Variants in COBL observed in about 807,000 individuals in gnomAD.
COBL encodes the protein protein cordon-bleu.
In COBL, 51 loss-of-function variants were observed where a neutral mutation model predicts 98.8. That is an observed-to-expected ratio of 0.52 (90% CI 0.41 to 0.65). The LOEUF (loss-of-function observed/expected upper bound fraction) is 0.65. Ranked by LOEUF, COBL falls within the 30% of genes least tolerant of loss-of-function variation. The pLI, the probability that COBL is intolerant of heterozygous loss-of-function variation, is 0.00. For synonymous variants in COBL, 634 were observed against 651.7 expected (o/e 0.97, Z 0.41); for missense variants, 1,617 against 1,617.5 (o/e 1.00, Z 0.01).
rs372088231 is a variant in COBL, at chr7:51,142,599, G to T, written c.784-6268C>A. On this transcript the variant is annotated intron_variant, in intron 5 of 12. Coordinates refer to ENST00000265136, the MANE Select transcript of COBL (RefSeq NM_015198.5). ...GGGTTTTGCCATCTTGGAAAGGCTG[G>T]TCTCGAACTGCTGAACTCAAGTGAT... 6.6e-5 allele frequency among the ~76,000 whole-genome samples: 10 copies of T among 152,006 alleles called. No homozygotes were observed. In the East Asian group the frequency reaches 1.2e-3, roughly 18 times the overall value.
At chr7:51,196,528 G>A (rs1186590489) in intron 2 of COBL, among the ~76,000 whole-genome samples, 1 of 152,088 alleles carries the variant, frequency 6.6e-6, no homozygotes, top group Non-Finnish European at 1.5e-5. Context: ...ATGAGTTAGA[G>A]AGGAGTCCTT....
At chr7:51,022,686 T>A (rs538943623) in intron 12 of COBL, 2 of 152,234 alleles carry the variant, frequency 1.3e-5, no homozygotes, top group Admixed American at 1.3e-4. Context: ...GCTTTCAGCA[T>A]CTCTGGGCCC....
intron 7 of COBL, among the ~76,000 whole-genome samples, chr7:51,057,138 T>C (rs932213111): frequency 5.3e-5 from 8 of 152,170 alleles, no homozygotes; most frequent in Non-Finnish European, 1.0e-4. Context: ...GTTGCAGAGA[T>C]TGTGTTCAGG....
At chr7:51,201,795 ATAACAG>A (rs1402555649) in intron 2 of COBL, among the ~76,000 whole-genome samples, 1 of 152,018 alleles carries the variant, frequency 6.6e-6, no homozygotes, top group Non-Finnish European at 1.5e-5. Context: ...TTAGCAATCA[ATAACAG>A]TATTTCTAAG....
intron 1 of COBL, among the ~76,000 whole-genome samples, chr7:51,282,590 A>G (rs922108165): frequency 5.9e-5 from 9 of 152,090 alleles, no homozygotes; most frequent in African/African-American, 2.2e-4. Flanking sequence ...AAATAGATAA[A>G]ACCACAATTA....
chr7:51,205,395 C>T (rs777090869), intron 2 of COBL, among the ~76,000 whole-genome samples: 8 of 152,006 alleles, frequency 5.3e-5, no homozygotes, highest in South Asian at 2.1e-4. Flanking sequence ...GCCAAGGATG[C>T]CAAGAAGTCA....
intron 6 of COBL, among the ~76,000 whole-genome samples, chr7:51,095,593 T>C (rs912969095): frequency 1.9e-5 from 2 of 104,724 alleles, no homozygotes; most frequent in African/African-American, 7.9e-5. Flanking sequence ...TTTAATCCAT[T>C]CATGGCTGAA....
intron 1 of COBL, among the ~76,000 whole-genome samples, chr7:51,265,068 C>T (rs954566979): frequency 2.0e-5 from 3 of 152,134 alleles, no homozygotes; most frequent in African/African-American, 4.8e-5. Context: ...AACAGCAGCC[C>T]GATGCCCGAC....
At chr7:51,201,239 C>CAAAA (rs1157303332) in intron 2 of COBL, among the ~76,000 whole-genome samples, 9 of 57,354 alleles carry the variant, frequency 1.6e-4, no homozygotes, top group Admixed American at 1.9e-4. Flanking sequence ...GACTCCGTCT[C>CAAAA]AAAAAAAAAA....
intron 7 of COBL, chr7:51,064,637 T>C (rs909139300): frequency 6.5e-6 from 1 of 152,702 alleles, no homozygotes; most frequent in Non-Finnish European, 1.5e-5. Context: ...TGCTGTTCAG[T>C]GAGTAGAGTA....
At chr7:51,027,631 C>T in intron 10 of COBL, 81 bp downstream of exon 10, 1 of 1,204,984 alleles carries the variant, frequency 8.3e-7, no homozygotes, top group Non-Finnish European at 1.2e-6. Context: ...TCTCTCTCCT[C>T]CGCTTTATTC....
chr7:51,260,141 G>C (rs569158935), intron 1 of COBL: 27 of 1,381,852 alleles, frequency 2.0e-5, no homozygotes, highest in Non-Finnish European at 2.6e-5. Flanking sequence ...GAACCAAAGG[G>C]ATTTTTCTTT....
intron 1 of COBL, among the ~76,000 whole-genome samples, chr7:51,264,954 C>G (rs1313150129): frequency 6.6e-6 from 1 of 152,106 alleles, no homozygotes; most frequent in Non-Finnish European, 1.5e-5. Context: ...ACTTAGATGT[C>G]AAGTGCAGCT....
At chr7:51,229,526 C>T (rs972881024) in intron 1 of COBL, among the ~76,000 whole-genome samples, 3 of 152,172 alleles carry the variant, frequency 2.0e-5, no homozygotes, top group African/African-American at 7.2e-5. Flanking sequence ...GCAGGCAGCC[C>T]AGGTGATCCC....
chr7:51,039,979 C>T (rs1176677748), intron 8 of COBL, among the ~76,000 whole-genome samples: 1 of 152,194 alleles, frequency 6.6e-6, no homozygotes, highest in Admixed American at 6.5e-5. Context: ...TTCCACACTG[C>T]CTGTGATCTC....
chr7:51,137,815 AGAT>A lies in COBL; in HGVS notation c.784-1487_784-1485del, dbSNP rs139580109. Among the ~76,000 whole-genome samples the A allele has an allele frequency of 5.7e-3, 869 of 152,322 alleles. 12 individuals carry two copies. Among genetic ancestry groups the A allele is most frequent in the African/African-American group, 0.019 (810 of 41,556 alleles). ...AACCTTCCTGAGACAATGAATAGAC[AGAT>A]GACCCTCTGGGTCACTATGCTTTCA... On this transcript the variant is annotated intron_variant, in intron 5 of 12. Transcript: ENST00000265136.
intron 1 of COBL, among the ~76,000 whole-genome samples, chr7:51,268,923 C>T (rs1239591460): frequency 7.0e-6 from 1 of 141,874 alleles, no homozygotes; most frequent in Non-Finnish European, 1.5e-5. Context: ...GAGTGAGACC[C>T]CGTCTCAATA....
chr7:51,208,025 G>A (rs1209076586), intron 2 of COBL, among the ~76,000 whole-genome samples: 3 of 151,402 alleles, frequency 2.0e-5, no homozygotes, highest in East Asian at 1.9e-4. Context: ...AGGAAGTGAG[G>A]AGCATCTCTG....
chr7:51,188,233 G>C (rs1455713721), intron 4 of COBL, among the ~76,000 whole-genome samples: 1 of 152,240 alleles, frequency 6.6e-6, no homozygotes, highest in African/African-American at 2.4e-5. Flanking sequence ...AGGCCTCTGC[G>C]TAGCAATGCC....
Sources: allele counts gnomAD v4.1 joint callset (sites outside exome capture counted in the v4.1 genomes callset), GRCh38; gene constraint gnomAD v4.1.1; transcripts MANE v1.5; gene names NCBI Gene and HGNC (gene_info 2026-07-23, HGNC 2026-07-21).